MKX: variants seen among roughly 807,000 people sequenced by gnomAD.
The protein encoded by MKX is homeobox protein Mohawk.
MKX carries 13 observed loss-of-function variants against 36.0 expected under a neutral mutation model. The observed-to-expected ratio is 0.36, with a 90% confidence interval of 0.24 to 0.57. The LOEUF (loss-of-function observed/expected upper bound fraction) is 0.57. Ranked by LOEUF, MKX falls within the 20% of genes least tolerant of loss-of-function variation. MKX has a pLI of 0.79. For missense variants in MKX, 458 were observed against 456.4 expected, an observed-to-expected ratio of 1.00 and a Z score of -0.03; for synonymous variants, 176 against 178.3, an observed-to-expected ratio of 0.99 and a Z score of 0.10.
At chr10:27,677,873 C>G (rs1391373488) in intron 5 of MKX, among the ~76,000 whole-genome samples, 1 of 152,192 alleles carries the variant, frequency 6.6e-6, no homozygotes, top group Non-Finnish European at 1.5e-5. Flanking sequence ...GATCTGTGAA[C>G]AGTTAGATCG....
chr10:27,720,795 G>A (rs1037924285), intron 5 of MKX, among the ~76,000 whole-genome samples: 1 of 152,124 alleles, frequency 6.6e-6, no homozygotes, highest in Non-Finnish European at 1.5e-5. Flanking sequence ...GCAATAAATG[G>A]AGAGAGGAAG....
rs1589689552 is a variant in MKX, at chr10:27,728,242, G to A, written c.838+6214C>T. 3.3e-5 allele frequency among the ~76,000 whole-genome samples: 5 copies of A among 152,310 alleles called. No homozygotes were observed. In the Middle Eastern group the frequency reaches 0.017, roughly 518 times the overall value. On this transcript the variant is annotated intron_variant, in intron 5 of 6. Coordinates refer to ENST00000419761, the MANE Select transcript of MKX (RefSeq NM_173576.3). ...ATAAGTATCCGAGGTAGACTTACTGGTCAACAAAAGCCCAAAAGAGAAACC... is the reference window on the plus strand; with the variant it reads ...ATAAGTATCCGAGGTAGACTTACTGATCAACAAAAGCCCAAAAGAGAAACC...
chr10:27,704,254 T>C (rs2815576), intron 5 of MKX, among the ~76,000 whole-genome samples: 122,053 of 152,064 alleles, frequency 0.8, 49,052 homozygotes, highest in Admixed American at 0.84. Flanking sequence ...ATCCTAGAAA[T>C]ATTGATTTTT....
At chr10:27,700,825 C>T (rs1437411373) in intron 5 of MKX, among the ~76,000 whole-genome samples, 2 of 152,288 alleles carry the variant, frequency 1.3e-5, no homozygotes, top group Non-Finnish European at 2.9e-5. Flanking sequence ...TAAACACATA[C>T]TCTCATTTTC....
At chr10:27,713,779 A>G (rs1836913790) in intron 5 of MKX, among the ~76,000 whole-genome samples, 1 of 152,108 alleles carries the variant, frequency 6.6e-6, no homozygotes, top group South Asian at 2.1e-4. Flanking sequence ...AAGTACAAAA[A>G]TGACCTTAGT....
intron 3 of MKX, among the ~76,000 whole-genome samples, chr10:27,735,692 G>A (rs1264888847): frequency 2.0e-5 from 3 of 152,156 alleles, no homozygotes; most frequent in African/African-American, 7.2e-5. Context: ...GTGATGAATG[G>A]CATACAAGAC....
In MKX at chr10:27,735,382, A is replaced by G. The variant is rs752150488; in HGVS notation, c.349-8T>C. ...AGCAAACCAATTTGACACCTAAAAC[A>G]GTATTATTTTTCAATTAACAAAACT... On this transcript the variant is annotated splice_region_variant and splice_polypyrimidine_tract_variant and intron_variant, in intron 3 of 6. Transcript: ENST00000419761. 143 of 1,598,680 alleles carry G rather than the reference A, an allele frequency of 8.9e-5. No homozygotes were observed. The highest frequency in any genetic ancestry group is 7.7e-4 in the Admixed American group (43 of 55,636).
At chr10:27,706,918 G>A (rs1167209130) in intron 5 of MKX, among the ~76,000 whole-genome samples, 3 of 152,198 alleles carry the variant, frequency 2.0e-5, no homozygotes, top group South Asian at 2.1e-4. Context: ...GTCCCGTGCT[G>A]TATGCACCCT....
In MKX at chr10:27,741,822, G is replaced by T. The variant is rs1834906287; in HGVS notation, c.189-318C>A. Among the ~76,000 whole-genome samples, 1 of 152,236 alleles carries T rather than the reference G, an allele frequency of 6.6e-6. No individual in the cohort carries two copies. Among genetic ancestry groups the T allele is most frequent in the South Asian group, 2.1e-4 (1 of 4,838 alleles). ...TCCAGTCGCGTATCTGGGCAGCGGG[G>T]CTAACTGCTACCCTTCCCTCACCCG... On this transcript the variant is annotated intron_variant, in intron 2 of 6. Transcript: ENST00000419761. The surrounding 1 kb of genome is among the most constrained non-coding windows in gnomAD (Gnocchi z 5.1).
At chr10:27,692,755 T>G (rs910907892) in intron 5 of MKX, among the ~76,000 whole-genome samples, 1 of 152,236 alleles carries the variant, frequency 6.6e-6, no homozygotes, top group Admixed American at 6.5e-5. Context: ...TATTCAGGCC[T>G]GCCTCAAAAA....
At chr10:27,711,372 G>A (rs1311829403) in intron 5 of MKX, among the ~76,000 whole-genome samples, 1 of 151,654 alleles carries the variant, frequency 6.6e-6, no homozygotes, top group Non-Finnish European at 1.5e-5. Flanking sequence ...TTTCATAATT[G>A]TCACTTTTTT....
intron 5 of MKX, among the ~76,000 whole-genome samples, chr10:27,687,728 C>T (rs1836383989): frequency 6.6e-6 from 1 of 152,244 alleles, no homozygotes; most frequent in Non-Finnish European, 1.5e-5. Flanking sequence ...TCCAAGATTG[C>T]TCCTCTGTGA....
At chr10:27,724,793 C>CACT (rs1564362160) in intron 5 of MKX, among the ~76,000 whole-genome samples, 1 of 108,956 alleles carries the variant, frequency 9.2e-6, no homozygotes, top group Admixed American at 9.2e-5. Context: ...ACACACACAC[C>CACT]CCGCAGAAAC....
At chr10:27,699,133 G>C (rs1001633681) in intron 5 of MKX, among the ~76,000 whole-genome samples, 4 of 152,174 alleles carry the variant, frequency 2.6e-5, no homozygotes, top group Admixed American at 2.0e-4. Context: ...CGAAGAAACA[G>C]AAAGAACAGA....
chr10:27,693,686 C>T (rs893629367), intron 5 of MKX, among the ~76,000 whole-genome samples: 3 of 152,092 alleles, frequency 2.0e-5, no homozygotes, highest in Admixed American at 1.3e-4. Flanking sequence ...AAAAAGAAAA[C>T]ATATTTGTTT....
intron 5 of MKX, among the ~76,000 whole-genome samples, chr10:27,711,494 T>TTCTTTC (rs773287899): frequency 6.1e-4 from 21 of 34,168 alleles, no homozygotes; most frequent in African/African-American, 2.9e-3. Flanking sequence ...TCTCTCTCTC[T>TTCTTTC]CTTCTTTCCT....
At chr10:27,701,989 G>A (rs886500351) in intron 5 of MKX, among the ~76,000 whole-genome samples, 4 of 151,986 alleles carry the variant, frequency 2.6e-5, no homozygotes, top group African/African-American at 9.7e-5. Flanking sequence ...AGACTAGAAT[G>A]TCCTCCTCCT....
chr10:27,735,500 A>ATATT, intron 3 of MKX, 126 bp from the exon 4 acceptor site: 1 of 655,654 alleles, frequency 1.5e-6, no homozygotes, highest in Non-Finnish European at 2.4e-6. Context: ...GGACATAAGA[A>ATATT]TACCGGACAT....
At chr10:27,697,391 A>G (rs1236487204) in intron 5 of MKX, among the ~76,000 whole-genome samples, 1 of 152,204 alleles carries the variant, frequency 6.6e-6, no homozygotes, top group African/African-American at 2.4e-5. Context: ...ACCTTAATAC[A>G]ACCTGTGATG....
Sources: gnomAD v4.1 joint callset for allele counts (sites outside exome capture counted in the v4.1 genomes callset) on GRCh38, gnomAD v4.1.1 for gene constraint, Gnocchi (gnomAD v3.1) non-coding constraint, MANE v1.5 for transcripts, NCBI Gene and HGNC (gene_info 2026-07-23, HGNC 2026-07-21) for gene names.